Variants in AIMP1 observed in about 807,000 individuals in gnomAD.
AIMP1 encodes aminoacyl tRNA synthase complex-interacting multifunctional protein 1.
AIMP1 carries 24 observed loss-of-function variants against 33.1 expected under a neutral mutation model. The observed-to-expected ratio is 0.73, with a 90% CI of 0.53 to 1.02. The LOEUF (loss-of-function observed/expected upper bound fraction) is 1.02. AIMP1 is among the 50% of genes least tolerant of loss of function. AIMP1 has a pLI of 0.00. For missense variants in AIMP1, 367 were observed against 364.8 expected (o/e 1.01, Z -0.05); for synonymous variants, 120 against 121.5 (o/e 0.99, Z 0.08).
rs138036462 is a variant in AIMP1, at chr4:106,324,963, A to G, written c.-25-22A>G. The G allele has an allele frequency of 2.6e-5, 41 of 1,575,776 alleles. No individual in the cohort carries two copies. The East Asian group carries it at 7.1e-4, about 27-fold the overall frequency. Reference sequence around the variant, plus strand: ...ATTTATTCCTTTCACAGTGTAATTTATCACTTTTATTTTTCCTATAGGATT... The same window carrying G: ...ATTTATTCCTTTCACAGTGTAATTTGTCACTTTTATTTTTCCTATAGGATT... On this transcript the variant is annotated intron_variant, in intron 1 of 6. Coordinates refer to ENST00000672341, the MANE Select transcript of AIMP1 (RefSeq NM_001142416.2).
At chr4:106,331,468 C>A (rs564128813) in intron 4 of AIMP1, among the ~76,000 whole-genome samples, 1 of 152,184 alleles carries the variant, frequency 6.6e-6, no homozygotes, top group Non-Finnish European at 1.5e-5. Flanking sequence ...AATAGAAATA[C>A]AACAGAGAAA....
chr4:106,332,818 A>G (rs1769732995), intron 5 of AIMP1, among the ~76,000 whole-genome samples: 1 of 152,030 alleles, frequency 6.6e-6, no homozygotes, highest in East Asian at 1.9e-4. Context: ...ACTTCTAACT[A>G]CAGGTGCTAT....
rs1770398588 is a variant in AIMP1, at chr4:106,348,993, A to C, written c.*1301A>C. 1 of 152,066 alleles carries C rather than the reference A, an allele frequency of 6.6e-6. No homozygotes were observed. The highest frequency in any genetic ancestry group is 2.1e-4 in the South Asian group (1 of 4,836). 9.4% of individuals were successfully genotyped at this position (152,066 alleles called of 1,614,324 possible). On this transcript the variant is annotated 3_prime_UTR_variant, in exon 7 of 7. Transcript: ENST00000672341. Reference sequence around the variant, plus strand: ...ACACACACTCACACAAAACTCAACAACCATAAAACAACCCTGCATGTTATA... The same window carrying C: ...ACACACACTCACACAAAACTCAACACCCATAAAACAACCCTGCATGTTATA...
intron 1 of AIMP1, among the ~76,000 whole-genome samples, chr4:106,322,853 A>C (rs1769314000): frequency 6.6e-6 from 1 of 152,006 alleles, no homozygotes; most frequent in Non-Finnish European, 1.5e-5. Context: ...GTCAGGTGGC[A>C]GGCACCTGTA....
At chr4:106,326,771 C>T (rs1180358568) in intron 2 of AIMP1, among the ~76,000 whole-genome samples, 1 of 151,330 alleles carries the variant, frequency 6.6e-6, no homozygotes, top group Non-Finnish European at 1.5e-5. Context: ...GACATTTTAT[C>T]TTTTATTTTT....
Position 106,328,174 on chromosome 4 carries a change from G to C in AIMP1, c.322G>C (p.Gly108Arg). Residue 108 changes from glycine to arginine, a missense_variant, in exon 4 of 7, where the codon GGT becomes CGT. Physicochemically the swap from Gly to Arg is moderately radical, Grantham distance 125. Coordinates refer to ENST00000672341, the MANE Select transcript of AIMP1 (RefSeq NM_001142416.2). ...TACAGCAGTAACAACCGTATCTTCT[G>C]GTACCAAAGAACAGATAAAAGGAGG... ...QSTAVTTVSSGTKEQIKGGTG... is the reference protein window; with the variant it reads ...QSTAVTTVSSRTKEQIKGGTG... 1 of 1,613,148 alleles carries C rather than the reference G, an allele frequency of 6.2e-7. No homozygotes were observed. The highest frequency in any genetic ancestry group is 8.5e-7 in the Non-Finnish European group (1 of 1,179,552).
At chr4:106,324,526 C>T (rs1429029186) in intron 1 of AIMP1, among the ~76,000 whole-genome samples, 2 of 151,882 alleles carry the variant, frequency 1.3e-5, no homozygotes, top group Admixed American at 1.3e-4. Flanking sequence ...TAATATTTAT[C>T]TTTCCTAATT....
chr4:106,332,997 G>T (rs1266029893), intron 5 of AIMP1, among the ~76,000 whole-genome samples: 2 of 152,072 alleles, frequency 1.3e-5, no homozygotes. Context: ...TAAAAATTCA[G>T]AACTAAGCCC....
At chr4:106,335,223 C>G (rs1174369029) in intron 5 of AIMP1, among the ~76,000 whole-genome samples, 1 of 152,040 alleles carries the variant, frequency 6.6e-6, no homozygotes, top group Non-Finnish European at 1.5e-5. Flanking sequence ...AGAACTGATT[C>G]ATAACTCCTT....
intron 1 of AIMP1, among the ~76,000 whole-genome samples, chr4:106,324,218 A>C (rs1481007805): frequency 1.3e-5 from 2 of 152,010 alleles, no homozygotes; most frequent in East Asian, 3.9e-4. Context: ...TTGAATTATA[A>C]ATTCTTGTTA....
At chr4:106,337,320 C>T (rs906823121) in intron 6 of AIMP1, among the ~76,000 whole-genome samples, 1 of 152,094 alleles carries the variant, frequency 6.6e-6, no homozygotes. Context: ...TCCCATAATC[C>T]CTACATGTCA....
At chr4:106,341,834 T>C (rs1770111331) in intron 6 of AIMP1, among the ~76,000 whole-genome samples, 1 of 152,136 alleles carries the variant, frequency 6.6e-6, no homozygotes, top group East Asian at 1.9e-4. Flanking sequence ...TAAATGATGT[T>C]GTATGTAGTT....
chr4:106,318,126 C>G (rs1002588793), intron 1 of AIMP1, among the ~76,000 whole-genome samples: 3 of 152,064 alleles, frequency 2.0e-5, no homozygotes, highest in African/African-American at 7.2e-5. Flanking sequence ...GGAAAGCAGG[C>G]TGTCTGGTAA....
At chr4:106,336,458 A>C (rs1324901584) in intron 5 of AIMP1, among the ~76,000 whole-genome samples, 1 of 152,198 alleles carries the variant, frequency 6.6e-6, no homozygotes, top group African/African-American at 2.4e-5. Flanking sequence ...TGCTAGGCTA[A>C]ATGCTTTATT....
intron 6 of AIMP1, among the ~76,000 whole-genome samples, chr4:106,342,711 A>T (rs11097928): frequency 0.15 from 22,741 of 152,002 alleles, 1,836 homozygotes; most frequent in South Asian, 0.25. Flanking sequence ...CTTTTGTGTT[A>T]GTGTTCATCA....
At chr4:106,320,183 C>T (rs1769161663) in intron 1 of AIMP1, among the ~76,000 whole-genome samples, 2 of 152,086 alleles carry the variant, frequency 1.3e-5, no homozygotes, top group East Asian at 3.8e-4. Flanking sequence ...TGAAAAATCA[C>T]AGGGGAGTAA....
chr4:106,316,260 C>A, upstream of AIMP1: 1 of 338,870 alleles, frequency 3.0e-6, no homozygotes, highest in Non-Finnish European at 5.5e-6. Flanking sequence ...CACCGCGACC[C>A]AACGCTGAGG....
chr4:106,323,504 C>G (rs1769345393), intron 1 of AIMP1, among the ~76,000 whole-genome samples: 1 of 150,756 alleles, frequency 6.6e-6, no homozygotes, highest in Admixed American at 6.6e-5. Flanking sequence ...CTATTTTTAC[C>G]AAAATGAACA....
chr4:106,336,355 T>C (rs758857465), intron 5 of AIMP1, among the ~76,000 whole-genome samples: 1 of 151,928 alleles, frequency 6.6e-6, no homozygotes, highest in African/African-American at 2.4e-5. Flanking sequence ...TTTTTTTAAA[T>C]TAAAAAATAA....
Sources: allele counts gnomAD v4.1 joint callset (sites outside exome capture counted in the v4.1 genomes callset), GRCh38; gene constraint gnomAD v4.1.1; transcripts MANE v1.5; gene names NCBI Gene and HGNC (gene_info 2026-07-23, HGNC 2026-07-21).